MACROD2: variants seen among roughly 807,000 people sequenced by gnomAD.
MACROD2 encodes the protein mono-ADP ribosylhydrolase 2.
In MACROD2, 36 loss-of-function variants were observed where a neutral mutation model predicts 70.4. That is an observed-to-expected ratio of 0.51 (90% confidence interval 0.39 to 0.68). The LOEUF is 0.68. Among genes scored for constraint, MACROD2 ranks in the 30% least tolerant of loss-of-function variants. MACROD2 has a pLI of 0.00. For missense variants in MACROD2, 496 were observed against 538.4 expected, an observed-to-expected ratio of 0.92 and a Z score of 0.78; for synonymous variants, 172 against 178.8, an observed-to-expected ratio of 0.96 and a Z score of 0.30.
intron 4 of MACROD2, among the ~76,000 whole-genome samples, chr20:14,520,300 T>A (rs2085151758): frequency 6.6e-6 from 1 of 152,114 alleles, no homozygotes; most frequent in Non-Finnish European, 1.5e-5. Flanking sequence ...TAGCTTCTTT[T>A]GAAACCCAAC....
rs558669149 is a variant in MACROD2, at chr20:14,978,851, A to T, written c.419-251089A>T. On this transcript the variant is annotated intron_variant, in intron 5 of 17. Coordinates refer to ENST00000684519, the MANE Select transcript of MACROD2 (RefSeq NM_001351661.2). ...CCTGTTTGCAAAGGAGGGTATTATT[A>T]TATATATATATAATATATTATATAA... Among the ~76,000 whole-genome samples the T allele has an allele frequency of 5.5e-3, 805 of 145,100 alleles. 8 individuals carry two copies. Among genetic ancestry groups the T allele is most frequent in the African/African-American group, 0.02 (783 of 39,612 alleles).
intron 6 of MACROD2, among the ~76,000 whole-genome samples, chr20:15,399,415 T>C (rs1023170083): frequency 1.3e-5 from 2 of 152,164 alleles, no homozygotes; most frequent in African/African-American, 4.8e-5. Flanking sequence ...GAAAGAAAAA[T>C]GAACCTGGCC....
chr20:15,994,579 A>G (rs1257321923), intron 15 of MACROD2, among the ~76,000 whole-genome samples: 1 of 152,206 alleles, frequency 6.6e-6, no homozygotes, highest in Non-Finnish European at 1.5e-5. Context: ...TTTATTACAC[A>G]ATATTGTCCT....
intron 3 of MACROD2, among the ~76,000 whole-genome samples, chr20:14,479,400 A>G (rs1341756285): frequency 6.6e-6 from 1 of 152,056 alleles, no homozygotes; most frequent in Non-Finnish European, 1.5e-5. Flanking sequence ...TCATCAGCTT[A>G]TCTTCAGTGG....
At chr20:15,533,298 T>G (rs1376519440) in intron 8 of MACROD2, among the ~76,000 whole-genome samples, 1 of 152,200 alleles carries the variant, frequency 6.6e-6, no homozygotes, top group Admixed American at 6.5e-5. Context: ...TAGAGCAATC[T>G]TTTTAAGAGA....
chr20:14,756,562 C>T (rs2071942967), intron 5 of MACROD2, among the ~76,000 whole-genome samples: 1 of 152,048 alleles, frequency 6.6e-6, no homozygotes, highest in Non-Finnish European at 1.5e-5. Context: ...TGAATTTCAA[C>T]TGTAAATTGG....
chr20:15,052,632 T>C (rs1243896489), intron 5 of MACROD2, among the ~76,000 whole-genome samples: 1 of 152,204 alleles, frequency 6.6e-6, no homozygotes, highest in Non-Finnish European at 1.5e-5. Flanking sequence ...GTCATTCCCC[T>C]GTCTGTCTCC....
chr20:14,794,236 A>G (rs928221948), intron 5 of MACROD2, among the ~76,000 whole-genome samples: 1 of 152,118 alleles, frequency 6.6e-6, no homozygotes, highest in Admixed American at 6.6e-5. Flanking sequence ...TTGAAAGTAA[A>G]CATTTGTAGT....
intron 5 of MACROD2, among the ~76,000 whole-genome samples, chr20:15,170,462 G>A (rs2076415082): frequency 6.6e-6 from 1 of 152,188 alleles, no homozygotes; most frequent in African/African-American, 2.4e-5. Flanking sequence ...CAGAGGAACT[G>A]TTGTGCTTGC....
chr20:14,394,970 T>A (rs1028680728), intron 3 of MACROD2, among the ~76,000 whole-genome samples: 3 of 152,204 alleles, frequency 2.0e-5, no homozygotes, highest in South Asian at 2.1e-4. Flanking sequence ...GCTATCTTTT[T>A]AATATATTGT....
chr20:15,660,586 G>C (rs1427768865), intron 8 of MACROD2, among the ~76,000 whole-genome samples: 2 of 152,152 alleles, frequency 1.3e-5, no homozygotes, highest in Non-Finnish European at 2.9e-5. Flanking sequence ...TGATCTGAAA[G>C]CTTTTTTCCC....
chr20:14,747,164 T>C (rs1301563933), intron 5 of MACROD2, among the ~76,000 whole-genome samples: 1 of 152,138 alleles, frequency 6.6e-6, no homozygotes, highest in Non-Finnish European at 1.5e-5. Context: ...CAGAGCTCAT[T>C]CTTCTATAGC....
intron 3 of MACROD2, among the ~76,000 whole-genome samples, chr20:14,262,996 T>C (rs2082112988): frequency 6.6e-6 from 1 of 152,140 alleles, no homozygotes; most frequent in Non-Finnish European, 1.5e-5. Context: ...CTTAAATAGA[T>C]TTTGAAGAAG....
intron 5 of MACROD2, among the ~76,000 whole-genome samples, chr20:15,001,047 T>TA (rs1407622379): frequency 6.6e-6 from 1 of 152,180 alleles, no homozygotes; most frequent in Non-Finnish European, 1.5e-5. Context: ...AATGGTCTGG[T>TA]AAATGCTGTT....
At chr20:14,409,135 G>C in intron 3 of MACROD2, among the ~76,000 whole-genome samples, 1 of 143,516 alleles carries the variant, frequency 7.0e-6, no homozygotes. Context: ...CTTCTTCTAA[G>C]GTCTGTTTTG....
chr20:14,668,871 A>C (rs974253959), intron 4 of MACROD2, among the ~76,000 whole-genome samples: 1 of 152,178 alleles, frequency 6.6e-6, no homozygotes, highest in Non-Finnish European at 1.5e-5. Context: ...GTAAAATTTC[A>C]TCAACATTAT....
At chr20:14,109,911 A>T (rs190460535) in intron 3 of MACROD2, among the ~76,000 whole-genome samples, 200 of 151,788 alleles carry the variant, frequency 1.3e-3, no homozygotes, top group African/African-American at 3.5e-3. Flanking sequence ...AAAGACACAT[A>T]AAAAAAACAC....
At chr20:15,133,300 C>A (rs1053332379) in intron 5 of MACROD2, among the ~76,000 whole-genome samples, 19 of 151,954 alleles carry the variant, frequency 1.3e-4, no homozygotes, top group African/African-American at 4.6e-4. Flanking sequence ...GCATAAATAT[C>A]AACATTAATT....
intron 8 of MACROD2, among the ~76,000 whole-genome samples, chr20:15,604,428 C>T (rs1052107236): frequency 2.0e-5 from 3 of 152,230 alleles, no homozygotes; most frequent in Admixed American, 2.0e-4. Flanking sequence ...GGAGCCTGAA[C>T]AGCTTTATTT....
Sources: allele counts gnomAD v4.1 joint callset (sites outside exome capture counted in the v4.1 genomes callset), GRCh38; gene constraint gnomAD v4.1.1; transcripts MANE v1.5; gene names NCBI Gene and HGNC (gene_info 2026-07-23, HGNC 2026-07-21).